Variants in IVD observed in about 807,000 individuals in gnomAD.
The protein encoded by IVD is isovaleryl-CoA dehydrogenase, mitochondrial.
A neutral mutation model predicts 51.3 loss-of-function variants in IVD; 31 were observed. That is an observed-to-expected ratio of 0.60 (90% CI 0.45 to 0.81). The LOEUF is 0.81. IVD is among the 40% of genes least tolerant of loss of function. The pLI is 0.00. For synonymous variants in IVD, 205 were observed against 219.4 expected (o/e 0.93, Z 0.58); for missense variants, 475 against 552.0 (o/e 0.86, Z 1.40).
At chr15:40,410,014 T>G in intron 3 of IVD, among the ~76,000 whole-genome samples, 1 of 152,086 alleles carries the variant, frequency 6.6e-6, no homozygotes, top group Non-Finnish European at 1.5e-5. Flanking sequence ...TTTTTTGTAT[T>G]TTTAGTAGAG....
chr15:40,414,299 A>G (rs1891415564), intron 7 of IVD: 6 of 160,468 alleles, frequency 3.7e-5, no homozygotes, highest in Non-Finnish European at 5.6e-5. Context: ...TTCTTTGTTG[A>G]CAGGAAAAAA....
At position 40,411,540 on chromosome 15, in the gene IVD, A is replaced by G. The variant is rs528252990; in HGVS notation, c.551-15A>G. 1 of 1,614,222 alleles carries G rather than the reference A, an allele frequency of 6.2e-7. No individual in the cohort carries two copies. The highest frequency in any genetic ancestry group is 1.1e-5 in the South Asian group (1 of 91,090). ...CCAAGATGGCTTGAGCAAATAGCCA[A>G]CATCCTGCCCTTAGGAAATCACTAC... On this transcript the variant is annotated splice_polypyrimidine_tract_variant and intron_variant, in intron 5 of 11. Coordinates refer to ENST00000487418, the MANE Select transcript of IVD (RefSeq NM_002225.5).
rs755912813 is a variant in IVD, at chr15:40,416,282, T to TC, written c.1066-5dup. On this transcript the variant is annotated splice_polypyrimidine_tract_variant and splice_region_variant and intron_variant, in intron 10 of 11. Coordinates refer to ENST00000487418, the MANE Select transcript of IVD (RefSeq NM_002225.5). ...CAGGGCCCTGCTGACCCCAGCTTCCTCCCGTAGGACTGTGCAGGTGTGATT... is the reference window on the plus strand; with the variant it reads ...CAGGGCCCTGCTGACCCCAGCTTCCTCCCCGTAGGACTGTGCAGGTGTGATT... 5.0e-6 allele frequency: 8 copies of TC among 1,614,220 alleles called. No homozygotes were observed. Among genetic ancestry groups the TC allele is most frequent in the Non-Finnish European group, 6.8e-6 (8 of 1,180,024 alleles).
intron 4 of IVD, 48 bp downstream of exon 4, chr15:40,410,845 C>G (rs1257894879): frequency 6.2e-7 from 1 of 1,600,904 alleles, no homozygotes; most frequent in Admixed American, 1.7e-5. Flanking sequence ...GTGCAACCAC[C>G]AACTAAAAGA....
chr15:40,407,690 G>T lies in IVD; in HGVS notation c.199G>T (p.Glu67Ter), dbSNP rs199865931. The change falls in exon 2 of 12, where the codon GAG becomes TAG. Residue 67 changes from glutamate (E) to a stop codon, truncating the protein, a stop_gained. Transcript: ENST00000487418. LOFTEE classifies it high-confidence loss of function. ...GGAGCACCTGGCCCCCAAGGCCCAG[G>T]AGATCGATCGCAGCAATGAGTTCAA... is the stretch of plus-strand genomic sequence containing the variant. ...LQEHLAPKAQ[E>*]IDRSNEFKNL... 3.1e-6 allele frequency: 5 copies of T among 1,614,206 alleles called. No homozygotes were observed. The highest frequency in any genetic ancestry group is 4.2e-6 in the Non-Finnish European group (5 of 1,180,036).
Position 40,420,313 on chromosome 15 carries a change from C to T in IVD, c.*2050C>T, listed in dbSNP as rs1206770743. On this transcript the variant is annotated 3_prime_UTR_variant, in exon 12 of 12. Transcript: ENST00000487418. Reference sequence around the variant, plus strand: ...CTGGGCAGCAGGCACAGGCCCTACCCGAGCAGGCCGGAGTTGGCTCGCATG... The same window carrying T: ...CTGGGCAGCAGGCACAGGCCCTACCTGAGCAGGCCGGAGTTGGCTCGCATG... The T allele has an allele frequency of 6.1e-6, 6 of 987,582 alleles. No individual in the cohort carries two copies. Among genetic ancestry groups the T allele is most frequent in the Non-Finnish European group, 6.0e-6 (5 of 830,178 alleles). The allele number at this position is 987,582 out of a possible 1,614,324, so 61.2% of individuals were successfully genotyped here. A position where few individuals can be genotyped will look rare whatever the true frequency, so the allele number is the denominator to read the frequency against.
chr15:40,405,881 G>T lies in IVD; in HGVS notation c.54G>T (p.Arg18=). ...LGWRVASWRL[R]PPLAGFVSQR... The stretch of plus-strand genomic sequence containing the variant: ...GGCGTGTGGCGAGCTGGAGGCTGCG[G>T]CCGCCGCTTGCCGGCTTCGTTTCCC... The change falls in exon 1 of 12, where the codon CGG becomes CGT. Residue 18 remains arginine (R), a synonymous_variant. Coordinates refer to ENST00000487418, the MANE Select transcript of IVD (RefSeq NM_002225.5). 1 of 1,612,604 alleles carries T rather than the reference G, an allele frequency of 6.2e-7. No homozygotes were observed. Among genetic ancestry groups the T allele is most frequent in the Non-Finnish European group, 8.5e-7 (1 of 1,179,740 alleles).
At chr15:40,425,784 A>G (rs924900732), downstream of IVD, among the ~76,000 whole-genome samples, 7 of 151,006 alleles carry the variant, frequency 4.6e-5, no homozygotes, top group African/African-American at 1.7e-4. Flanking sequence ...CAGCCTCCCA[A>G]AGTGGCCTCC....
intron 11 of IVD, among the ~76,000 whole-genome samples, chr15:40,417,016 A>G (rs1269257901): frequency 7.3e-5 from 11 of 149,700 alleles, no homozygotes; most frequent in Middle Eastern, 3.7e-3. Flanking sequence ...CCTGGCCAAC[A>G]TGGTGAAACC....
chr15:40,413,388 A>C (rs1004162769), intron 7 of IVD, among the ~76,000 whole-genome samples: 1 of 152,218 alleles, frequency 6.6e-6, no homozygotes, highest in Non-Finnish European at 1.5e-5. Flanking sequence ...ACTTTCGCCC[A>C]TCCACTGCAT....
chr15:40,415,290 G>A, intron 8 of IVD, 111 bp from the exon 9 acceptor site: 1 of 964,428 alleles, frequency 1.0e-6, no homozygotes, highest in Non-Finnish European at 1.6e-6. Flanking sequence ...AAGACTTTCT[G>A]AAGTTGCTTT....
intron 10 of IVD, 36 bp downstream of exon 10, chr15:40,416,218 A>G: frequency 1.2e-6 from 2 of 1,612,632 alleles, no homozygotes; most frequent in African/African-American, 1.3e-5. Context: ...AGGCGGGGGC[A>G]GTGGACCAGC....
At position 40,407,639 on chromosome 15, in the gene IVD, C is replaced by G. The variant is rs34695403; in HGVS notation, c.148C>G (p.Arg50Gly). 1.4e-5 allele frequency: 23 copies of G among 1,613,544 alleles called. No homozygotes were observed. Among genetic ancestry groups the G allele is most frequent in the African/African-American group, 2.7e-5 (2 of 74,926 alleles). Residue 50 changes from arginine to glycine, a missense_variant, in exon 2 of 12, where the codon CGT becomes GGT. By Grantham distance (125) the Arg-to-Gly change is moderately radical. Coordinates refer to ENST00000487418, the MANE Select transcript of IVD (RefSeq NM_002225.5). ...NGLSEEQRQL[R>G]QTMAKFLQEH... ...CTGTTTACCTCTCTCCTATTAGCTTCGTCAGACCATGGCTAAGTTCCTTCA... is the reference window on the plus strand; with the variant it reads ...CTGTTTACCTCTCTCCTATTAGCTTGGTCAGACCATGGCTAAGTTCCTTCA...
rs1892185874 is a variant in IVD, at chr15:40,420,348, G to A, written c.*2085G>A. On this transcript the variant is annotated 3_prime_UTR_variant, in exon 12 of 12. Coordinates refer to ENST00000487418, the MANE Select transcript of IVD (RefSeq NM_002225.5). ...GGAGTTGGCTCGCATGACTCCAGCTGAGGCTGCCTGTGTACATTTCTCCAG... is the reference window on the plus strand; with the variant it reads ...GGAGTTGGCTCGCATGACTCCAGCTAAGGCTGCCTGTGTACATTTCTCCAG... 1.0e-6 allele frequency: 1 copy of A among 987,680 alleles called. No homozygotes were observed. Among genetic ancestry groups the A allele is most frequent in the Non-Finnish European group, 1.2e-6 (1 of 830,146 alleles). 61.2% of individuals were successfully genotyped at this position (987,680 alleles called of 1,614,324 possible).
chr15:40,426,306 G>A (rs1292133524), downstream of IVD, among the ~76,000 whole-genome samples: 1 of 152,142 alleles, frequency 6.6e-6, no homozygotes, highest in East Asian at 1.9e-4. Context: ...GGGAGGCCGA[G>A]GCGGGTGGAT....
At chr15:40,428,295 G>C (rs1892781994), downstream of IVD, among the ~76,000 whole-genome samples, 1 of 151,942 alleles carries the variant, frequency 6.6e-6, no homozygotes, top group Non-Finnish European at 1.5e-5. Context: ...CCAAGGCCCG[G>C]AGCTGGCAGC....
chr15:40,411,524 C>T (rs1277483729), intron 5 of IVD, 31 bp from the exon 6 acceptor site: 8 of 1,614,148 alleles, frequency 5.0e-6, no homozygotes, highest in Non-Finnish European at 6.8e-6. Flanking sequence ...GCCAAGATGG[C>T]TTGAGCAAAT....
At position 40,418,307 on chromosome 15, in the gene IVD, C is replaced by A. The variant is rs748298627; in HGVS notation, c.*44C>A. 6 of 1,612,034 alleles carry A rather than the reference C, an allele frequency of 3.7e-6. No homozygotes were observed. In the African/African-American group the frequency reaches 8.0e-5, roughly 22 times the overall value. On this transcript the variant is annotated 3_prime_UTR_variant, in exon 12 of 12. Coordinates refer to ENST00000487418, the MANE Select transcript of IVD (RefSeq NM_002225.5). ...CCTTTTCCTGCACCTAGTGGCCTTT[C>A]TTGGGAAGTAGAGATGTGGCGGCTT...
In IVD at chr15:40,405,819, A is replaced by T. The variant is rs373594717; in HGVS notation, c.-9A>T. 4.3e-6 allele frequency: 7 copies of T among 1,610,840 alleles called. No homozygotes were observed. The highest frequency in any genetic ancestry group is 5.1e-6 in the Non-Finnish European group (6 of 1,177,742). On this transcript the variant is annotated 5_prime_UTR_variant, in exon 1 of 12. It removes an upstream start codon present in the reference 5' UTR. Transcript: ENST00000487418. ...CAGTTTCAGCGCTGGCTCTTCGTGC[A>T]TGGCAGAGATGGCGACTGCGACTCG...
Sources: allele counts gnomAD v4.1 joint callset (sites outside exome capture counted in the v4.1 genomes callset), GRCh38; gene constraint gnomAD v4.1.1; transcripts MANE v1.5; gene names NCBI Gene and HGNC (gene_info 2026-07-23, HGNC 2026-07-21).